Variants in ANK3 observed in about 807,000 individuals in gnomAD.
The protein encoded by ANK3 is ankyrin-3.
In ANK3, 57 loss-of-function variants were observed where a neutral mutation model predicts 370.9. The ratio of observed to expected loss-of-function variants is 0.15; its 90% CI spans 0.12 to 0.19. The LOEUF is 0.19. Ranked by LOEUF, ANK3 falls within the 10% of genes least tolerant of loss-of-function variation. The pLI is 1.00. For missense variants in ANK3, 4,439 were observed against 5,302.1 expected, an observed-to-expected ratio of 0.84 and a Z score of 5.06; for synonymous variants, 1,929 against 1,946.3, an observed-to-expected ratio of 0.99 and a Z score of 0.23.
chr10:60,645,532 C>G (rs1379230474), intron 1 of ANK3, among the ~76,000 whole-genome samples: 1 of 152,008 alleles, frequency 6.6e-6, no homozygotes, highest in Non-Finnish European at 1.5e-5. Flanking sequence ...TCGAGACTAG[C>G]CTGGCCAACA....
At chr10:60,694,416 G>T (rs141837303) in intron 1 of ANK3, among the ~76,000 whole-genome samples, 1 of 152,052 alleles carries the variant, frequency 6.6e-6, no homozygotes, top group Non-Finnish European at 1.5e-5. Context: ...GATACTCCTC[G>T]AGAAGAGCAA....
intron 1 of ANK3, among the ~76,000 whole-genome samples, chr10:60,709,698 C>T (rs1313539228): frequency 2.6e-5 from 4 of 151,806 alleles, no homozygotes; most frequent in Non-Finnish European, 1.5e-5. Context: ...CATGGTGGCA[C>T]ATGCCTGTCA....
chr10:60,407,443 C>T lies in ANK3; in HGVS notation c.97-127804G>A, dbSNP rs74155607. Among the ~76,000 whole-genome samples, 116 of 152,194 alleles carry T rather than the reference C, an allele frequency of 7.6e-4. No homozygotes were observed. The South Asian group carries it at 9.8e-3, about 13-fold the overall frequency. On this transcript the variant is annotated intron_variant, in intron 2 of 43. Transcript: ENST00000373827. ...ATTAATATATCATTGGACAAAGTTG[C>T]GAGGGTATATGTGAGTGTTATGTTA...
chr10:60,071,507 A>C lies in ANK3; in HGVS notation c.9374T>G (p.Val3125Gly). The C allele has an allele frequency of 6.2e-7, 1 of 1,613,966 alleles. No individual in the cohort carries two copies. Among genetic ancestry groups the C allele is most frequent in the South Asian group, 1.1e-5 (1 of 91,068 alleles). The stretch of plus-strand genomic sequence containing the variant: ...ATAAAAGGTCCCCCTGGTTTCTTGT[A>C]CTGTCTTACATTCCTGACTTATGAT... ...KKIISQECKT[V>G]QETRGTFYTT... is the part of the protein sequence containing the mutation. The change falls in exon 37 of 44, where the codon GTA (valine) becomes GGA (glycine). Residue 3125 changes from valine (V) to glycine (G), a missense_variant. Transcript: ENST00000280772.
chr10:60,553,698 G>A (rs2077143451), intron 2 of ANK3, among the ~76,000 whole-genome samples: 1 of 152,054 alleles, frequency 6.6e-6, no homozygotes, highest in South Asian at 2.1e-4. Flanking sequence ...GGTGAAAACT[G>A]AAATCAGTAT....
chr10:60,447,103 G>A (rs2064468790), intron 2 of ANK3, among the ~76,000 whole-genome samples: 1 of 152,202 alleles, frequency 6.6e-6, no homozygotes, highest in Non-Finnish European at 1.5e-5. Flanking sequence ...TCTGCCAAAT[G>A]CCACACGGCC....
chr10:60,175,044 A>T (rs2095890476), intron 18 of ANK3, among the ~76,000 whole-genome samples: 2 of 152,026 alleles, frequency 1.3e-5, no homozygotes, highest in African/African-American at 4.8e-5. Flanking sequence ...CACAGGTTCT[A>T]TTCATCCTCA....
chr10:60,428,777 C>A (rs994673311), intron 2 of ANK3, among the ~76,000 whole-genome samples: 24 of 152,240 alleles, frequency 1.6e-4, no homozygotes, highest in African/African-American at 5.8e-4. Context: ...GAACTCTGAC[C>A]TCTTGGGGAC....
intron 1 of ANK3, among the ~76,000 whole-genome samples, chr10:60,627,682 T>C (rs903803378): frequency 2.0e-5 from 3 of 152,128 alleles, no homozygotes; most frequent in South Asian, 4.1e-4. Flanking sequence ...TGGTCAAGAG[T>C]CTGCCCTCTG....
In ANK3 at chr10:60,069,364, A is replaced by G; in HGVS notation, c.11517T>C (p.Cys3839=). 1.9e-6 allele frequency: 3 copies of G among 1,613,462 alleles called. No homozygotes were observed. Among genetic ancestry groups the G allele is most frequent in the Non-Finnish European group, 2.5e-6 (3 of 1,179,868 alleles). ...CAAGAACTTTCTGCTTATCTCTTAC[A>G]CAGTGTCCTTGTAGTACCCCTGTCT... is the stretch of plus-strand genomic sequence containing the variant. ...GKKTGVLQGH[C]VRDKQKVLGE... The change falls in exon 37 of 44, where the codon TGT becomes TGC. Residue 3839 remains cysteine, a synonymous_variant. Coordinates refer to ENST00000280772, the MANE Select transcript of ANK3 (RefSeq NM_020987.5).
intron 2 of ANK3, among the ~76,000 whole-genome samples, chr10:60,517,106 C>T (rs944418059): frequency 6.6e-6 from 1 of 151,994 alleles, no homozygotes; most frequent in Non-Finnish European, 1.5e-5. Context: ...GCTCTGTCAC[C>T]CAGGCTGAAG....
rs750209484 is a variant in ANK3, at chr10:60,134,368, C to T, written c.2744G>A (p.Arg915His). ...GTAAGACCTATCCGAACTGAAGGAGCGGAGGCTGTTGTATTTACAGTTAAC... is the reference window on the plus strand; with the variant it reads ...GTAAGACCTATCCGAACTGAAGGAGTGGAGGCTGTTGTATTTACAGTTAAC... ...FSLGARSASL[R>H]SFSSDRSYTL... is the part of the protein sequence containing the mutation. Residue 915 changes from arginine to histidine, a missense_variant, in exon 25 of 44, where the codon CGC becomes CAC. Coordinates refer to ENST00000280772, the MANE Select transcript of ANK3 (RefSeq NM_020987.5). 3.1e-5 allele frequency: 50 copies of T among 1,611,918 alleles called. No individual in the cohort carries two copies. The highest frequency in any genetic ancestry group is 2.5e-4 in the South Asian group (23 of 90,664).
intron 28 of ANK3, among the ~76,000 whole-genome samples, chr10:60,089,874 T>G (rs2087775117): frequency 6.6e-6 from 1 of 151,990 alleles, no homozygotes; most frequent in Non-Finnish European, 1.5e-5. Context: ...TAAATCAAGG[T>G]AATATATTTA....
At chr10:60,493,629 G>GT (rs971935457) in intron 2 of ANK3, among the ~76,000 whole-genome samples, 3 of 152,106 alleles carry the variant, frequency 2.0e-5, no homozygotes, top group African/African-American at 4.8e-5. Flanking sequence ...GTCAAGTTGA[G>GT]TTTTTTTAGA....
intron 36 of ANK3, among the ~76,000 whole-genome samples, chr10:60,077,287 G>C (rs543250242): frequency 2.6e-5 from 4 of 152,168 alleles, no homozygotes; most frequent in African/African-American, 9.6e-5. Context: ...AATATGAAAT[G>C]ACTTTAAAAT....
At chr10:60,316,155 G>A (rs75931346) in intron 1 of ANK3, among the ~76,000 whole-genome samples, 1 of 152,276 alleles carries the variant, frequency 6.6e-6, no homozygotes, top group East Asian at 1.9e-4. Context: ...TGAGCTATGA[G>A]GACATGCTTG....
At chr10:60,060,831 C>T (rs560409782) in intron 40 of ANK3, 38 of 152,180 alleles carry the variant, frequency 2.5e-4, no homozygotes, top group African/African-American at 8.2e-4. Context: ...GAAAACCATT[C>T]GCAGGGAGCA....
intron 43 of ANK3, among the ~76,000 whole-genome samples, chr10:60,038,224 C>A (rs1339576276): frequency 6.6e-6 from 1 of 152,130 alleles, no homozygotes; most frequent in Non-Finnish European, 1.5e-5. Context: ...TGGTGAAACC[C>A]CGTCTCTACT....
intron 17 of ANK3, among the ~76,000 whole-genome samples, chr10:60,185,905 A>T (rs1042796536): frequency 6.6e-6 from 1 of 152,204 alleles, no homozygotes; most frequent in African/African-American, 2.4e-5. Context: ...TTCATGAATA[A>T]TGAGCATATC....
Sources: gnomAD v4.1 joint callset for allele counts (sites outside exome capture counted in the v4.1 genomes callset) on GRCh38, gnomAD v4.1.1 for gene constraint, MANE v1.5 for transcripts, NCBI Gene and HGNC (gene_info 2026-07-23, HGNC 2026-07-21) for gene names.